RBFOX1: variants seen among roughly 807,000 people sequenced by gnomAD.
The protein encoded by RBFOX1 is RNA binding fox-1 homolog 1.
RBFOX1 carries 8 observed loss-of-function variants against 57.7 expected under a neutral mutation model. The ratio of observed to expected loss-of-function variants is 0.14; its 90% CI spans 0.08 to 0.25. The LOEUF (loss-of-function observed/expected upper bound fraction) is 0.25, where lower values mean the gene tolerates loss of function less well. Among genes scored for constraint, RBFOX1 ranks in the 10% least tolerant of loss-of-function variants. RBFOX1 has a pLI of 1.00. For missense variants in RBFOX1, 611 were observed against 548.5 expected, an observed-to-expected ratio of 1.11 and a Z score of -1.14; for synonymous variants, 326 against 222.4, an observed-to-expected ratio of 1.47 and a Z score of -4.15.
chr16:6,499,325 G>A (rs1424858641), intron 2 of RBFOX1, among the ~76,000 whole-genome samples: 1 of 151,728 alleles, frequency 6.6e-6, no homozygotes, highest in African/African-American at 2.4e-5. Context: ...CATTATGCCT[G>A]TTTCCTTTGG....
chr16:6,480,461 T>C (rs572951902), intron 2 of RBFOX1, among the ~76,000 whole-genome samples: 99 of 152,336 alleles, frequency 6.5e-4, no homozygotes, highest in African/African-American at 2.3e-3. Flanking sequence ...ATGCTGAAAT[T>C]TGAATTTCCT....
intron 2 of RBFOX1, among the ~76,000 whole-genome samples, chr16:5,492,984 A>T (rs984216867): frequency 2.7e-4 from 41 of 152,228 alleles, no homozygotes; most frequent in African/African-American, 9.9e-4. Context: ...CCCATGGGCC[A>T]AATCTGGTCC....
intron 2 of RBFOX1, among the ~76,000 whole-genome samples, chr16:6,346,828 T>A (rs1567985326): frequency 6.6e-6 from 1 of 152,260 alleles, no homozygotes; most frequent in East Asian, 1.9e-4. Context: ...ATCTCTCATA[T>A]ATTACCAGAA....
intron 3 of RBFOX1, among the ~76,000 whole-genome samples, chr16:6,671,663 G>A (rs1020703948): frequency 3.3e-5 from 5 of 151,990 alleles, no homozygotes; most frequent in Admixed American, 1.3e-4. Flanking sequence ...TCATTCTTAC[G>A]CCTTTGCATC....
intron 3 of RBFOX1, among the ~76,000 whole-genome samples, chr16:6,737,425 AAAATAGAATT>A (rs2070700896): frequency 2.6e-5 from 4 of 152,208 alleles, no homozygotes; most frequent in South Asian, 4.1e-4. Flanking sequence ...TCACAGTATT[AAAATAGAATT>A]CAAATATTTG....
chr16:7,230,208 C>T (rs984942131), intron 4 of RBFOX1, among the ~76,000 whole-genome samples: 8 of 151,860 alleles, frequency 5.3e-5, no homozygotes, highest in African/African-American at 1.7e-4. Context: ...CTGTATATGT[C>T]AGTCACTGTG....
intron 4 of RBFOX1, among the ~76,000 whole-genome samples, chr16:7,124,768 G>T (rs1474601709): frequency 3.9e-5 from 6 of 151,966 alleles, no homozygotes; most frequent in Non-Finnish European, 8.8e-5. Context: ...TTTTCAATGA[G>T]GAATGCTGCA....
intron 4 of RBFOX1, among the ~76,000 whole-genome samples, chr16:7,489,384 A>C (rs1383522739): frequency 6.6e-6 from 1 of 152,254 alleles, no homozygotes; most frequent in African/African-American, 2.4e-5. Flanking sequence ...AATATGTGCC[A>C]GGTCCTAATG....
At chr16:7,158,736 T>C (rs1273243523) in intron 4 of RBFOX1, among the ~76,000 whole-genome samples, 1 of 151,982 alleles carries the variant, frequency 6.6e-6, no homozygotes, top group Non-Finnish European at 1.5e-5. Flanking sequence ...GTTTGGTGTG[T>C]GTTGTTTCTG....
intron 1 of RBFOX1, among the ~76,000 whole-genome samples, chr16:5,265,819 GT>G (rs2062844066): frequency 6.6e-6 from 1 of 152,184 alleles, no homozygotes. Flanking sequence ...TTATGGTGGA[GT>G]TTGCTTTTGT....
At chr16:7,578,781 G>GA (rs5815412) in intron 5 of RBFOX1, among the ~76,000 whole-genome samples, 139,187 of 152,242 alleles carry the variant, frequency 0.91, 63,998 homozygotes, top group Middle Eastern at 0.97. Context: ...TAATTGCAGA[G>GA]AAGTATCAAA....
At chr16:6,977,671 G>A (rs866497614) in intron 3 of RBFOX1, among the ~76,000 whole-genome samples, 1 of 152,120 alleles carries the variant, frequency 6.6e-6, no homozygotes, top group African/African-American at 2.4e-5. Flanking sequence ...CTAACCGAGT[G>A]CCAAGCACAT....
intron 3 of RBFOX1, among the ~76,000 whole-genome samples, chr16:6,712,927 T>C (rs1441268282): frequency 1.5e-4 from 12 of 82,428 alleles, no homozygotes; most frequent in African/African-American, 3.7e-4. Context: ...GTTCTCATGA[T>C]AGTGAATAAC....
intron 2 of RBFOX1, among the ~76,000 whole-genome samples, chr16:6,459,404 C>A (rs2094855306): frequency 6.6e-6 from 1 of 152,188 alleles, no homozygotes; most frequent in South Asian, 2.1e-4. Context: ...AATTTTATTT[C>A]TCCTCTCTGC....
intron 3 of RBFOX1, among the ~76,000 whole-genome samples, chr16:5,670,604 C>T (rs1567375158): frequency 6.6e-6 from 1 of 152,234 alleles, no homozygotes; most frequent in Non-Finnish European, 1.5e-5. Context: ...ACAACTGTCA[C>T]TCTGTACAGT....
At chr16:7,523,612 T>C (rs1406182591) in intron 5 of RBFOX1, among the ~76,000 whole-genome samples, 11 of 152,126 alleles carry the variant, frequency 7.2e-5, no homozygotes, top group Admixed American at 7.2e-4. Context: ...CTCTTAGAGG[T>C]AGGATTTTAA....
intron 4 of RBFOX1, among the ~76,000 whole-genome samples, chr16:7,245,702 C>T (rs2094266641): frequency 6.6e-6 from 1 of 152,138 alleles, no homozygotes; most frequent in Admixed American, 6.5e-5. Flanking sequence ...TGTTTGCCTG[C>T]TCACTTAAGG....
At chr16:6,581,856 A>G (rs1319542967) in intron 2 of RBFOX1, among the ~76,000 whole-genome samples, 1 of 152,220 alleles carries the variant, frequency 6.6e-6, no homozygotes, top group Non-Finnish European at 1.5e-5. Flanking sequence ...CTGAGATTAC[A>G]TGTCCAACAC....
rs200934178 is a variant in RBFOX1 at position 7,052,726 on chromosome 16, A to G, written c.27+628A>G. On this transcript the variant is annotated intron_variant, in intron 4 of 15. Coordinates refer to ENST00000550418, the MANE Select transcript of RBFOX1 (RefSeq NM_018723.4). Reference sequence around the variant, plus strand: ...TTGGTTATAAATGGAGCTTGGTGACATTGTTCTGCTTTCATTGTGTCAGAG... The same window carrying G: ...TTGGTTATAAATGGAGCTTGGTGACGTTGTTCTGCTTTCATTGTGTCAGAG... Among the ~76,000 whole-genome samples, 6 of 152,290 alleles carry G rather than the reference A, an allele frequency of 3.9e-5. No homozygotes were observed. The East Asian group carries it at 9.6e-4, about 24-fold the overall frequency.
Sources: allele counts gnomAD v4.1 joint callset (sites outside exome capture counted in the v4.1 genomes callset), GRCh38; gene constraint gnomAD v4.1.1; transcripts MANE v1.5; gene names NCBI Gene and HGNC (gene_info 2026-07-23, HGNC 2026-07-21).